The following DTNB variants were observed in gnomAD, a reference collection of about 807,000 sequenced individuals.
DTNB encodes dystrobrevin beta.
DTNB carries 63 observed loss-of-function variants against 90.7 expected under a neutral mutation model. That is an observed-to-expected ratio of 0.69 (90% CI 0.57 to 0.86). The LOEUF is 0.86. Among genes scored for constraint, DTNB ranks in the 40% least tolerant of loss-of-function variants. DTNB has a pLI of 0.00. For synonymous variants in DTNB, 277 were observed against 286.7 expected (o/e 0.97, Z 0.34); for missense variants, 744 against 807.1 (o/e 0.92, Z 0.95).
At chr2:25,594,660 T>C (rs1010998499) in intron 6 of DTNB, among the ~76,000 whole-genome samples, 6 of 152,230 alleles carry the variant, frequency 3.9e-5, no homozygotes, top group Non-Finnish European at 7.3e-5. Context: ...GTTCCTTTTA[T>C]AGTTTACCTT....
chr2:25,617,184 A>AG (rs1396261193), intron 4 of DTNB, among the ~76,000 whole-genome samples: 1 of 152,140 alleles, frequency 6.6e-6, no homozygotes, highest in Non-Finnish European at 1.5e-5. Flanking sequence ...GGCTTTATTA[A>AG]GGGTCAGGGG....
chr2:25,592,727 G>T (rs1573073362), intron 6 of DTNB, among the ~76,000 whole-genome samples: 1 of 152,034 alleles, frequency 6.6e-6, no homozygotes, highest in Non-Finnish European at 1.5e-5. Context: ...TGCTATAATG[G>T]AAAGGTGCGC....
chr2:25,636,203 G>A (rs556606196), intron 3 of DTNB, among the ~76,000 whole-genome samples: 1 of 152,186 alleles, frequency 6.6e-6, no homozygotes, highest in African/African-American at 2.4e-5. Context: ...AGCATGAGAA[G>A]ACTCTTCAGC....
intron 16 of DTNB, among the ~76,000 whole-genome samples, chr2:25,403,878 C>A (rs915568963): frequency 9.2e-5 from 14 of 152,152 alleles, no homozygotes; most frequent in Non-Finnish European, 1.8e-4. Flanking sequence ...GCAATCCTCC[C>A]ACATCAGCCT....
intron 1 of DTNB, among the ~76,000 whole-genome samples, chr2:25,665,355 G>T (rs937656697): frequency 1.3e-5 from 2 of 152,198 alleles, no homozygotes; most frequent in Non-Finnish European, 2.9e-5. Flanking sequence ...GGCCAGGCGC[G>T]GTGGCTCATG....
intron 4 of DTNB, among the ~76,000 whole-genome samples, chr2:25,609,752 A>G (rs2068094753): frequency 6.6e-6 from 1 of 151,404 alleles, no homozygotes; most frequent in South Asian, 2.1e-4. Context: ...TAGAGATCCT[A>G]ATTATTTGGC....
intron 16 of DTNB, among the ~76,000 whole-genome samples, chr2:25,392,163 C>A (rs557713123): frequency 2.6e-5 from 4 of 152,286 alleles, no homozygotes; most frequent in African/African-American, 9.6e-5. Flanking sequence ...AATCCCAGCA[C>A]TTTGGGAGGC....
At chr2:25,435,431 C>G (rs1443838172) in intron 12 of DTNB, among the ~76,000 whole-genome samples, 1 of 152,194 alleles carries the variant, frequency 6.6e-6, no homozygotes, top group Admixed American at 6.5e-5. Flanking sequence ...CCCTTGACCT[C>G]CATTATCCAT....
rs188037558 is a variant in DTNB, at chr2:25,432,819, G to C, written c.1457+67C>G. On this transcript the variant is annotated intron_variant, in intron 14 of 20. Coordinates refer to ENST00000406818, the MANE Select transcript of DTNB (RefSeq NM_021907.5). ...ACAACAGATTCTACCCCACTCCTTT[G>C]GTTTCCTCAGATAAGTTCCATCCAT... 3,045 of 1,473,150 alleles carry C rather than the reference G, an allele frequency of 2.1e-3. 3 individuals are homozygous for C. The highest frequency in any genetic ancestry group is 2.7e-3 in the Non-Finnish European group (2,885 of 1,084,696). 91.3% of individuals were successfully genotyped at this position (1,473,150 alleles called of 1,614,324 possible).
intron 14 of DTNB, among the ~76,000 whole-genome samples, chr2:25,432,287 C>T (rs2054158475): frequency 6.6e-6 from 1 of 151,714 alleles, no homozygotes; most frequent in Non-Finnish European, 1.5e-5. Flanking sequence ...AACAATGGAT[C>T]AGATCACTTC....
At chr2:25,523,188 T>C (rs2076450161) in intron 9 of DTNB, among the ~76,000 whole-genome samples, 1 of 152,142 alleles carries the variant, frequency 6.6e-6, no homozygotes, top group Non-Finnish European at 1.5e-5. Flanking sequence ...AACTGGCTTC[T>C]TCACTCTCAC....
chr2:25,398,808 G>A (rs1405472580), intron 16 of DTNB, among the ~76,000 whole-genome samples: 5 of 152,144 alleles, frequency 3.3e-5, no homozygotes, highest in Non-Finnish European at 7.4e-5. Flanking sequence ...ATGAGACAAT[G>A]TCTTTCTGAG....
intron 10 of DTNB, among the ~76,000 whole-genome samples, chr2:25,462,369 T>C (rs1451871358): frequency 6.6e-6 from 1 of 151,966 alleles, no homozygotes; most frequent in Non-Finnish European, 1.5e-5. Flanking sequence ...GACAAGCCCC[T>C]GACCTTGTCC....
chr2:25,413,402 C>T (rs982710456), intron 16 of DTNB, among the ~76,000 whole-genome samples: 2 of 150,582 alleles, frequency 1.3e-5, no homozygotes, highest in Non-Finnish European at 3.0e-5. Flanking sequence ...TCTCCTAATG[C>T]TATCCCTCCC....
At chr2:25,426,065 C>T (rs2051484454) in intron 15 of DTNB, among the ~76,000 whole-genome samples, 2 of 152,170 alleles carry the variant, frequency 1.3e-5, no homozygotes, top group South Asian at 2.1e-4. Context: ...GTATTTAGTT[C>T]CCCAGTATCC....
At chr2:25,459,271 T>C (rs1398313976) in intron 10 of DTNB, among the ~76,000 whole-genome samples, 1 of 152,112 alleles carries the variant, frequency 6.6e-6, no homozygotes, top group African/African-American at 2.4e-5. Context: ...CTGCCTGACA[T>C]TATCCCACAG....
intron 8 of DTNB, among the ~76,000 whole-genome samples, chr2:25,535,227 GTGGCCAGGCAGAGA>G (rs1392129912): frequency 6.0e-5 from 9 of 149,668 alleles, no homozygotes; most frequent in African/African-American, 9.9e-5. Context: ...CAGACTATGG[GTGGCCAGGCAGAGA>G]CGCTCCTCAC....
intron 7 of DTNB, 49 bp downstream of exon 7, chr2:25,580,672 C>A (rs1004099201): frequency 6.7e-7 from 1 of 1,501,928 alleles, no homozygotes; most frequent in Non-Finnish European, 9.3e-7. Flanking sequence ...ATAATCAGTT[C>A]CTATACTTTC....
chr2:25,500,800 CA>C (rs1369268535), intron 9 of DTNB, among the ~76,000 whole-genome samples: 1 of 151,754 alleles, frequency 6.6e-6, no homozygotes, highest in African/African-American at 2.4e-5. Context: ...AGGACCAAAA[CA>C]AAAAAGGAAA....
Sources: allele counts gnomAD v4.1 joint callset (sites outside exome capture counted in the v4.1 genomes callset), GRCh38; gene constraint gnomAD v4.1.1; transcripts MANE v1.5; gene names NCBI Gene and HGNC (gene_info 2026-07-23, HGNC 2026-07-21).